The following PCDHGB7 variants were observed in gnomAD, a reference collection of about 807,000 sequenced individuals.
PCDHGB7 encodes the protein protocadherin gamma-B7.
PCDHGB7 carries 37 observed loss-of-function variants against 61.4 expected under a neutral mutation model. The ratio of observed to expected loss-of-function variants is 0.60; its 90% CI spans 0.46 to 0.79. The LOEUF (loss-of-function observed/expected upper bound fraction) is 0.79. Among genes scored for constraint, PCDHGB7 ranks in the 30% least tolerant of loss-of-function variants. The pLI, the probability that PCDHGB7 is intolerant of heterozygous loss-of-function variation, is 0.00. For missense variants in PCDHGB7, 1,166 were observed against 1,202.5 expected (o/e 0.97, Z 0.45); for synonymous variants, 464 against 503.5 (o/e 0.92, Z 1.05).
intron 1 of PCDHGB7, chr5:141,441,743 C>T (rs1298220876): frequency 1.4e-5 from 5 of 367,166 alleles, no homozygotes; most frequent in Non-Finnish European, 2.2e-5. Context: ...AGCTCGCGCT[C>T]GGCGTCAACG....
Position 141,431,336 on chromosome 5 carries a change from G to C in PCDHGB7, c.2415+11062G>C, listed in dbSNP as rs1187672228. ...TGGAGCCGACGGTAGTAAGTACCCC[G>C]AATTGGTGCTGAAACGCGCCCTGGA... On this transcript the variant is annotated intron_variant, in intron 1 of 3. Transcript: ENST00000398594. The surrounding 1 kb of genome is among the most constrained non-coding windows in gnomAD (Gnocchi z 4.8). 2.5e-6 allele frequency: 4 copies of C among 1,613,956 alleles called. No individual in the cohort carries two copies. The East Asian group carries it at 6.7e-5, about 27-fold the overall frequency.
Position 141,419,589 on chromosome 5 carries a change from C to T in PCDHGB7, c.1730C>T (p.Thr577Ile), listed in dbSNP as rs1187251820. The T allele has an allele frequency of 6.2e-7, 1 of 1,611,856 alleles. No individual in the cohort carries two copies. The highest frequency in any genetic ancestry group is 8.5e-7 in the Non-Finnish European group (1 of 1,179,580). ...CCCGACGGCTCCGCGCTCTTCGACA[C>T]AGTGCCGCGGGCCGCGCAGCCAGGC... is the stretch of plus-strand genomic sequence containing the variant. ...LGPDGSALFDTVPRAAQPGYL... is the reference protein window; with the variant it reads ...LGPDGSALFDIVPRAAQPGYL... Residue 577 changes from threonine to isoleucine, a missense_variant, in exon 1 of 4, where the codon ACA (threonine) becomes ATA (isoleucine). Coordinates refer to ENST00000398594, the MANE Select transcript of PCDHGB7 (RefSeq NM_018927.4).
At chr5:141,474,041 GC>G (rs1242668125) in intron 1 of PCDHGB7, among the ~76,000 whole-genome samples, 3 of 152,140 alleles carry the variant, frequency 2.0e-5, no homozygotes. Context: ...CTGTACTCCA[GC>G]CTGGATGACA....
Position 141,491,611 on chromosome 5 carries a change from A to G in PCDHGB7, c.2416-3196A>G. The G allele has an allele frequency of 6.2e-7, 1 of 1,613,866 alleles. No individual in the cohort carries two copies. The highest frequency in any genetic ancestry group is 8.5e-7 in the Non-Finnish European group (1 of 1,180,018). Reference sequence around the variant, plus strand: ...GGACGGCAGTGACTTCACTTTTCTAAGACCCCTCAGCGTTCAGCAGCCCAC... The same window carrying G: ...GGACGGCAGTGACTTCACTTTTCTAGGACCCCTCAGCGTTCAGCAGCCCAC... On this transcript the variant is annotated intron_variant, in intron 1 of 3. Transcript: ENST00000398594. This position sits in a 1 kb window ranked among gnomAD's most constrained non-coding sequence, Gnocchi z 6.9.
chr5:141,422,811 C>T (rs748248571), intron 1 of PCDHGB7: 1 of 1,614,248 alleles, frequency 6.2e-7, no homozygotes, highest in Non-Finnish European at 8.5e-7. Context: ...AGTTTCGAGA[C>T]TTAGAACTGA....
Position 141,486,595 on chromosome 5 carries a change from T to G in PCDHGB7, c.2416-8212T>G. ...AGAACAATCGCCCAGGGGACCTGCTTTGCTCCCTTGCAGCCTCTGACCCAG... is the reference window on the plus strand; with the variant it reads ...AGAACAATCGCCCAGGGGACCTGCTGTGCTCCCTTGCAGCCTCTGACCCAG... On this transcript the variant is annotated intron_variant, in intron 1 of 3. Coordinates refer to ENST00000398594, the MANE Select transcript of PCDHGB7 (RefSeq NM_018927.4). This position sits in a 1 kb window ranked among gnomAD's most constrained non-coding sequence, Gnocchi z 5.0. The G allele has an allele frequency of 6.2e-7, 1 of 1,613,614 alleles. No homozygotes were observed. Among genetic ancestry groups the G allele is most frequent in the Non-Finnish European group, 8.5e-7 (1 of 1,180,016 alleles).
chr5:141,432,870 T>C lies in PCDHGB7; in HGVS notation c.2415+12596T>C, dbSNP rs1022024380. The stretch of plus-strand genomic sequence containing the variant: ...GCGGTGGCCGCGGTCTCCTGCGTCT[T>C]CCTGGCCTTCGTCATCTTGCTGCTG... On this transcript the variant is annotated intron_variant, in intron 1 of 3. Transcript: ENST00000398594. This position sits in a 1 kb window ranked among gnomAD's most constrained non-coding sequence, Gnocchi z 6.0. The C allele has an allele frequency of 1.9e-6, 3 of 1,614,030 alleles. No homozygotes were observed. In the African/African-American group the frequency reaches 4.0e-5, roughly 22 times the overall value.
chr5:141,489,546 C>T lies in PCDHGB7; in HGVS notation c.2416-5261C>T, dbSNP rs1404605129. ...GCCTATGTGGAGCCAGCACCAGCTGCCTGCTGCCAGTGCAGGTGGTGACTG... is the reference window on the plus strand; with the variant it reads ...GCCTATGTGGAGCCAGCACCAGCTGTCTGCTGCCAGTGCAGGTGGTGACTG... On this transcript the variant is annotated intron_variant, in intron 1 of 3. Coordinates refer to ENST00000398594, the MANE Select transcript of PCDHGB7 (RefSeq NM_018927.4). The surrounding 1 kb of genome is among the most constrained non-coding windows in gnomAD (Gnocchi z 4.5). 2 of 1,614,076 alleles carry T rather than the reference C, an allele frequency of 1.2e-6. No homozygotes were observed. The highest frequency in any genetic ancestry group is 2.2e-5 in the East Asian group (1 of 44,868).
intron 1 of PCDHGB7, chr5:141,428,067 G>A (rs753358896): frequency 6.2e-7 from 1 of 1,609,228 alleles, no homozygotes; most frequent in South Asian, 1.1e-5. Flanking sequence ...GGTGGACGCA[G>A]ATTCGGGACA....
chr5:141,461,667 G>C (rs1337688159), intron 1 of PCDHGB7, among the ~76,000 whole-genome samples: 4 of 151,994 alleles, frequency 2.6e-5, no homozygotes, highest in African/African-American at 9.7e-5. Context: ...TTTAAAGTTT[G>C]TTATTTTGTT....
intron 3 of PCDHGB7, among the ~76,000 whole-genome samples, 188 bp from the exon 4 acceptor site, chr5:141,510,759 G>A (rs1026623444): frequency 6.6e-5 from 10 of 152,172 alleles, no homozygotes; most frequent in African/African-American, 2.4e-4. Context: ...TCTCACTCCA[G>A]AGCCTCTTAA....
chr5:141,477,268 C>A lies in PCDHGB7; in HGVS notation c.2416-17539C>A, dbSNP rs2099408532. On this transcript the variant is annotated intron_variant, in intron 1 of 3. Transcript: ENST00000398594. This position sits in a 1 kb window ranked among gnomAD's most constrained non-coding sequence, Gnocchi z 4.9. ...TGACTGACCTGGATGCTGGCGAGAA[C>A]GGGCTGGTGACCTGCGAAGTTCCAC... 1.2e-6 allele frequency: 2 copies of A among 1,614,078 alleles called. No individual in the cohort carries two copies. Among genetic ancestry groups the A allele is most frequent in the Non-Finnish European group, 1.7e-6 (2 of 1,180,038 alleles).
chr5:141,456,872 A>C (rs1003618586), intron 1 of PCDHGB7, among the ~76,000 whole-genome samples: 2 of 152,152 alleles, frequency 1.3e-5, no homozygotes, highest in African/African-American at 4.8e-5. Context: ...CTGAGGCAGG[A>C]GAATCGCTTG....
chr5:141,431,162 G>C lies in PCDHGB7; in HGVS notation c.2415+10888G>C, dbSNP rs757521794. The C allele has an allele frequency of 3.1e-6, 5 of 1,614,246 alleles. No homozygotes were observed. The South Asian group carries it at 5.5e-5, about 18-fold the overall frequency. On this transcript the variant is annotated intron_variant, in intron 1 of 3. Coordinates refer to ENST00000398594, the MANE Select transcript of PCDHGB7 (RefSeq NM_018927.4). The surrounding 1 kb of genome is among the most constrained non-coding windows in gnomAD (Gnocchi z 4.8). Reference sequence around the variant, plus strand: ...TAACGACAATGCGCCTTACTTTCGTGAAAGTGAATTAGAAATAAAAATTAG... The same window carrying C: ...TAACGACAATGCGCCTTACTTTCGTCAAAGTGAATTAGAAATAAAAATTAG...
intron 1 of PCDHGB7, chr5:141,433,123 C>G (rs575738328): frequency 3.7e-6 from 6 of 1,614,116 alleles, no homozygotes; most frequent in Non-Finnish European, 5.1e-6. Context: ...TTGAAAAAAG[C>G]GAGCCCCTTT....
intron 1 of PCDHGB7, chr5:141,475,934 GC>G (rs879308605): frequency 6.0e-6 from 4 of 665,236 alleles, no homozygotes; most frequent in Non-Finnish European, 1.0e-5. Context: ...TCGGGCCCCT[GC>G]CCGTCCCCTT....
chr5:141,488,866 G>C (rs957501628), intron 1 of PCDHGB7, among the ~76,000 whole-genome samples: 1 of 152,148 alleles, frequency 6.6e-6, no homozygotes, highest in East Asian at 1.9e-4. Context: ...GAAGTGAGTG[G>C]GGAGGTAGGA....
At chr5:141,478,460 C>G (rs759992881) in intron 1 of PCDHGB7, 1 of 1,613,344 alleles carries the variant, frequency 6.2e-7, no homozygotes, top group East Asian at 2.2e-5. Flanking sequence ...AGCCAGTCCA[C>G]TGGCCAGCCG....
Position 141,490,760 on chromosome 5 carries a change from T to G in PCDHGB7, c.2416-4047T>G. 1 of 1,614,070 alleles carries G rather than the reference T, an allele frequency of 6.2e-7. No individual in the cohort carries two copies. On this transcript the variant is annotated intron_variant, in intron 1 of 3. Coordinates refer to ENST00000398594, the MANE Select transcript of PCDHGB7 (RefSeq NM_018927.4). This position sits in a 1 kb window ranked among gnomAD's most constrained non-coding sequence, Gnocchi z 5.4. Reference sequence around the variant, plus strand: ...CAGGGAGCCCCAGCCTCCTCCTTTGTGTATGTCAACCCAGAGGATGGACGG... The same window carrying G: ...CAGGGAGCCCCAGCCTCCTCCTTTGGGTATGTCAACCCAGAGGATGGACGG...
Sources: allele counts gnomAD v4.1 joint callset (sites outside exome capture counted in the v4.1 genomes callset), GRCh38; gene constraint gnomAD v4.1.1; non-coding constraint Gnocchi (gnomAD v3.1); transcripts MANE v1.5; gene names NCBI Gene and HGNC (gene_info 2026-07-23, HGNC 2026-07-21).